The following SUGCT variants were observed in gnomAD, a reference collection of about 807,000 sequenced individuals.
The protein encoded by SUGCT is succinyl-CoA:glutarate CoA-transferase.
SUGCT carries 41 observed loss-of-function variants against 55.0 expected under a neutral mutation model. The ratio of observed to expected loss-of-function variants is 0.74; its 90% CI spans 0.58 to 0.97. The LOEUF is 0.97. Among genes scored for constraint, SUGCT ranks in the 50% least tolerant of loss-of-function variants. The probability of loss-of-function intolerance (pLI) is 0.00; values close to 1 mark genes in which losing one functional copy is unlikely to be tolerated. For missense variants in SUGCT, 568 were observed against 547.8 expected, an observed-to-expected ratio of 1.04 and a Z score of -0.37; for synonymous variants, 187 against 200.4, an observed-to-expected ratio of 0.93 and a Z score of 0.56.
rs368456787 is a variant in SUGCT, at chr7:40,152,507, T to C, written c.100+17387T>C. 95 of 211,992 alleles carry C rather than the reference T, an allele frequency of 4.5e-4. 1 individual carries two copies. The South Asian group carries it at 8.5e-3, about 19-fold the overall frequency. The allele number at this position is 211,992 out of a possible 1,614,324, so 13.1% of individuals were successfully genotyped here. ...GTCACCATACAATCAGCAGAGACCA[T>C]GGCAAGATATATTTTGTCATTTCAG... On this transcript the variant is annotated intron_variant, in intron 1 of 13. Transcript: ENST00000335693.
intron 12 of SUGCT, among the ~76,000 whole-genome samples, chr7:40,546,110 T>C (rs973507229): frequency 4.6e-5 from 7 of 152,148 alleles, no homozygotes; most frequent in Admixed American, 4.6e-4. Flanking sequence ...CAACACTCTT[T>C]CCTCCTGCCC....
the SUGCT span, among the ~76,000 whole-genome samples, chr7:40,945,660 T>C: frequency 6.6e-6 from 1 of 152,064 alleles, no homozygotes; most frequent in Non-Finnish European, 1.5e-5. Flanking sequence ...GAATGAAAAT[T>C]TTCACAAGCA....
chr7:40,535,939 C>T (rs988483523), intron 12 of SUGCT, among the ~76,000 whole-genome samples: 8 of 151,978 alleles, frequency 5.3e-5, no homozygotes, highest in Non-Finnish European at 8.8e-5. Flanking sequence ...GAATTTTTTT[C>T]TTATGTTTGT....
At chr7:40,331,698 G>T (rs918179618) in intron 9 of SUGCT, among the ~76,000 whole-genome samples, 1 of 152,192 alleles carries the variant, frequency 6.6e-6, no homozygotes, top group Admixed American at 6.5e-5. Context: ...CTGGGTCATG[G>T]AGAAGTCTTC....
At chr7:40,160,983 G>A (rs1190914260) in intron 1 of SUGCT, among the ~76,000 whole-genome samples, 1 of 152,020 alleles carries the variant, frequency 6.6e-6, no homozygotes. Flanking sequence ...TTGATAATAT[G>A]TATTAAGAGT....
chr7:40,626,875 C>T (rs1799552257), intron 12 of SUGCT, among the ~76,000 whole-genome samples: 1 of 152,140 alleles, frequency 6.6e-6, no homozygotes, highest in African/African-American at 2.4e-5. Flanking sequence ...AGTTCCTTTC[C>T]CCGTGCATGT....
intron 12 of SUGCT, among the ~76,000 whole-genome samples, chr7:40,551,690 G>A (rs1325999699): frequency 6.6e-6 from 1 of 152,164 alleles, no homozygotes. Context: ...CCGTTCAGTT[G>A]GAGAGACAAA....
chr7:40,386,756 C>CCAGG (rs777272803), intron 9 of SUGCT, among the ~76,000 whole-genome samples: 13 of 152,276 alleles, frequency 8.5e-5, no homozygotes, highest in Non-Finnish European at 1.3e-4. Flanking sequence ...AGTAGTGGGC[C>CCAGG]CAGGCGCTCT....
chr7:40,139,127 AAAATAAATAAAT>A (rs56301316), intron 1 of SUGCT, among the ~76,000 whole-genome samples: 4,491 of 140,514 alleles, frequency 0.032, 134 homozygotes, highest in African/African-American at 0.08. Context: ...CTCTGGCTCA[AAAATAAATAAAT>A]AAATAAATAA....
At chr7:40,702,369 A>C (rs1326876564) in intron 12 of SUGCT, among the ~76,000 whole-genome samples, 1 of 152,226 alleles carries the variant, frequency 6.6e-6, no homozygotes, top group Non-Finnish European at 1.5e-5. Context: ...GGTGAGGGAA[A>C]TAATAGAGTG....
chr7:40,781,096 T>C (rs1408582802), intron 13 of SUGCT, among the ~76,000 whole-genome samples: 1 of 152,210 alleles, frequency 6.6e-6, no homozygotes, highest in Non-Finnish European at 1.5e-5. Context: ...TTCTTCTCCA[T>C]GTACAGTTAC....
the SUGCT span, among the ~76,000 whole-genome samples, chr7:40,935,911 T>C: frequency 6.6e-6 from 1 of 152,198 alleles, no homozygotes; most frequent in African/African-American, 2.4e-5. Context: ...ACATTTGTTA[T>C]TGTCTTCTTT....
chr7:40,803,020 A>G (rs1790900694), intron 13 of SUGCT, among the ~76,000 whole-genome samples: 1 of 152,224 alleles, frequency 6.6e-6, no homozygotes. Context: ...GAAATTAGCA[A>G]TCGGTTGCAT....
intron 12 of SUGCT, among the ~76,000 whole-genome samples, chr7:40,641,183 C>T (rs988391895): frequency 1.3e-5 from 2 of 152,174 alleles, no homozygotes; most frequent in African/African-American, 2.4e-5. Flanking sequence ...TTCCTATATA[C>T]ACACCAAATA....
chr7:40,798,160 T>C (rs550694725), intron 13 of SUGCT, among the ~76,000 whole-genome samples: 11 of 152,348 alleles, frequency 7.2e-5, no homozygotes, highest in Admixed American at 1.3e-4. Flanking sequence ...TTTATCAAAC[T>C]GTATTATAGT....
intron 12 of SUGCT, among the ~76,000 whole-genome samples, chr7:40,507,613 A>G (rs1005525340): frequency 6.6e-6 from 1 of 152,130 alleles, no homozygotes; most frequent in African/African-American, 2.4e-5. Flanking sequence ...CCAGACTTCC[A>G]TGGATGAGTG....
chr7:40,657,638 G>A (rs931348325), intron 12 of SUGCT, among the ~76,000 whole-genome samples: 2 of 151,776 alleles, frequency 1.3e-5, no homozygotes, highest in South Asian at 2.1e-4. Flanking sequence ...GGGTTCAAGC[G>A]ATTCTCCTGC....
chr7:40,966,840 A>G, the SUGCT span: 1 of 152,280 alleles, frequency 6.6e-6, no homozygotes, highest in Non-Finnish European at 1.5e-5. Flanking sequence ...CCACATTGGA[A>G]AATGACTCAT....
chr7:40,474,027 G>A (rs1014989384), intron 11 of SUGCT, among the ~76,000 whole-genome samples: 6 of 151,998 alleles, frequency 3.9e-5, no homozygotes, highest in African/African-American at 1.2e-4. Context: ...AATCATGCCC[G>A]CTTCTCCCCC....
Sources: gnomAD v4.1 joint callset for allele counts (sites outside exome capture counted in the v4.1 genomes callset) on GRCh38, gnomAD v4.1.1 for gene constraint, MANE v1.5 for transcripts, NCBI Gene and HGNC (gene_info 2026-07-23, HGNC 2026-07-21) for gene names.